The following ARHGAP6 variants were observed in gnomAD, a reference collection of about 807,000 sequenced individuals.
ARHGAP6 encodes rho GTPase-activating protein 6.
A neutral mutation model predicts 55.7 loss-of-function variants in ARHGAP6; 16 were observed. The ratio of observed to expected loss-of-function variants is 0.29; its 90% CI spans 0.19 to 0.44. The LOEUF is 0.44. Ranked by LOEUF, ARHGAP6 falls within the 20% of genes least tolerant of loss-of-function variation. The probability of loss-of-function intolerance (pLI) is 1.00; values close to 1 mark genes in which losing one functional copy is unlikely to be tolerated. For missense variants in ARHGAP6, 698 were observed against 808.9 expected (o/e 0.86, Z 1.66); for synonymous variants, 382 against 360.9 (o/e 1.06, Z -0.66).
At chrX:11,227,088 A>T (rs1158326570) in intron 2 of ARHGAP6, among the ~76,000 whole-genome samples, 1 of 111,865 alleles carries the variant, frequency 8.9e-6, no homozygotes, top group East Asian at 2.8e-4. Context: ...CTCATATGTC[A>T]CTCCTCTACA....
intron 1 of ARHGAP6, among the ~76,000 whole-genome samples, chrX:11,563,005 T>C (rs914713943): frequency 3.6e-5 from 4 of 112,025 alleles, no homozygotes; most frequent in Non-Finnish European, 7.5e-5. Flanking sequence ...TGTATTGGAC[T>C]AACTTCTGCT....
rs147198991 is a variant in ARHGAP6 at position 11,252,464 on chromosome X, C to T, written c.748+2084G>A. 7.3e-3 allele frequency among the ~76,000 whole-genome samples: 824 copies of T among 112,521 alleles called. 7 individuals are homozygous for T. Among genetic ancestry groups the T allele is most frequent in the African/African-American group, 0.025 (779 of 30,999 alleles). ...AACAGGCCTCATCTCCACCCTACAA[C>T]CAAACCAATACCAGGTAAGGCAGGA... On this transcript the variant is annotated intron_variant, in intron 2 of 12. Transcript: ENST00000337414.
intron 1 of ARHGAP6, among the ~76,000 whole-genome samples, chrX:11,272,027 C>A (rs2047698848): frequency 8.9e-6 from 1 of 111,859 alleles, no homozygotes; most frequent in Non-Finnish European, 1.9e-5. Flanking sequence ...ATTTTTATGA[C>A]CATGTCCCTC....
intron 5 of ARHGAP6, among the ~76,000 whole-genome samples, chrX:11,185,519 A>C (rs2046375880): frequency 8.9e-6 from 1 of 112,112 alleles, no homozygotes; most frequent in African/African-American, 3.2e-5. Flanking sequence ...TGAGCATATT[A>C]TTTTTACAGT....
At chrX:11,548,573 GC>G (rs776918537) in intron 1 of ARHGAP6, among the ~76,000 whole-genome samples, 7 of 110,152 alleles carry the variant, frequency 6.4e-5, no homozygotes, top group Non-Finnish European at 9.5e-5. Context: ...CATCCGTATT[GC>G]CAAGAAAGAC....
At chrX:11,556,887 A>G (rs1471421547) in intron 1 of ARHGAP6, among the ~76,000 whole-genome samples, 1 of 111,762 alleles carries the variant, frequency 8.9e-6, no homozygotes, top group Non-Finnish European at 1.9e-5. Flanking sequence ...GACAGAGACT[A>G]TGTCTTATCC....
At chrX:11,288,303 T>C in intron 1 of ARHGAP6, among the ~76,000 whole-genome samples, 1 of 112,060 alleles carries the variant, frequency 8.9e-6, no homozygotes, top group Middle Eastern at 4.6e-3. Context: ...GAACCATGGC[T>C]GGCAATAAAG....
intron 1 of ARHGAP6, among the ~76,000 whole-genome samples, chrX:11,506,971 C>T (rs1161151688): frequency 8.9e-6 from 1 of 111,996 alleles, no homozygotes; most frequent in Non-Finnish European, 1.9e-5. Flanking sequence ...TTTTGATTTG[C>T]ATTTCTCTAA....
chrX:11,458,960 G>A (rs893743011), intron 1 of ARHGAP6, among the ~76,000 whole-genome samples: 6 of 111,181 alleles, frequency 5.4e-5, no homozygotes, highest in African/African-American at 2.0e-4. Flanking sequence ...GAGGAAGCTT[G>A]CAGTATTAGA....
At chrX:11,360,153 T>G (rs1018282232) in intron 1 of ARHGAP6, among the ~76,000 whole-genome samples, 23 of 111,948 alleles carry the variant, frequency 2.1e-4, no homozygotes, top group Non-Finnish European at 3.6e-4. Flanking sequence ...CTAACTCATT[T>G]TATGAGGCCA....
chrX:11,369,991 AT>A (rs1346048098), intron 1 of ARHGAP6, among the ~76,000 whole-genome samples: 2 of 112,662 alleles, frequency 1.8e-5, no homozygotes, highest in Non-Finnish European at 3.8e-5. Context: ...ATTAATGCCA[AT>A]TCATAGATGC....
At chrX:11,171,782 T>G (rs1213265801) in intron 8 of ARHGAP6, among the ~76,000 whole-genome samples, 1 of 111,118 alleles carries the variant, frequency 9.0e-6, no homozygotes, top group African/African-American at 3.3e-5. Flanking sequence ...GGCTGTCCTG[T>G]GCATTACAGG....
chrX:11,566,863 C>T (rs144813064), intron 1 of ARHGAP6, among the ~76,000 whole-genome samples: 30 of 112,127 alleles, frequency 2.7e-4, no homozygotes, highest in Non-Finnish European at 4.3e-4. Flanking sequence ...ATAATATCAC[C>T]AGCCAAACTG....
intron 2 of ARHGAP6, among the ~76,000 whole-genome samples, chrX:11,207,878 G>A (rs1371778398): frequency 8.9e-6 from 1 of 111,856 alleles, no homozygotes; most frequent in Non-Finnish European, 1.9e-5. Flanking sequence ...TTTGGGCAGA[G>A]AGGGAGAGAA....
At chrX:11,606,346 C>T (rs916861738) in intron 1 of ARHGAP6, among the ~76,000 whole-genome samples, 20 of 111,474 alleles carry the variant, frequency 1.8e-4, no homozygotes, top group African/African-American at 5.6e-4. Context: ...CAAGGGTTGT[C>T]TCGCATTTTT....
chrX:11,393,064 T>C (rs996137122), intron 1 of ARHGAP6, among the ~76,000 whole-genome samples: 2 of 111,531 alleles, frequency 1.8e-5, no homozygotes, highest in African/African-American at 6.5e-5. Context: ...TATTACTGAG[T>C]ATTTATAAAG....
chrX:11,306,431 C>T (rs1372442645), intron 1 of ARHGAP6, among the ~76,000 whole-genome samples: 1 of 112,488 alleles, frequency 8.9e-6, no homozygotes, highest in Non-Finnish European at 1.9e-5. Context: ...CATTAAACAC[C>T]CAGGATGCTG....
chrX:11,664,629 G>T lies in ARHGAP6; in HGVS notation c.200C>A (p.Ser67Tyr). The change falls in exon 1 of 13, where the codon TCC becomes TAC. Residue 67 changes from serine to tyrosine, a missense_variant. Ser to Tyr is a moderately radical substitution (Grantham distance 144). Around this residue, in one of 3 missense-constraint regions of ARHGAP6, gnomAD observed 164 missense variants for 149.2 expected, o/e 1.10. Transcript: ENST00000337414. ...ARGATAGRLY[S>Y]PSLPAESLGP... ...GAGACTCTCGGCTGGGAGTGATGGG[G>T]AGTAGAGGCGGCCCGCCGTGGCTCC... The T allele has an allele frequency of 8.6e-7, 1 of 1,164,529 alleles. No homozygotes were observed. Among genetic ancestry groups the T allele is most frequent in the Non-Finnish European group, 1.1e-6 (1 of 871,979 alleles).
At chrX:11,324,956 T>A (rs2048480961) in intron 1 of ARHGAP6, among the ~76,000 whole-genome samples, 1 of 111,715 alleles carries the variant, frequency 9.0e-6, no homozygotes, top group Non-Finnish European at 1.9e-5. Context: ...CTTCCCGGGT[T>A]CACGCCATTC....
Sources: gnomAD v4.1 joint callset for allele counts (sites outside exome capture counted in the v4.1 genomes callset) on GRCh38, gnomAD v4.1.1 for gene constraint, gnomAD v4.1.1 regional missense constraint, MANE v1.5 for transcripts, NCBI Gene and HGNC (gene_info 2026-07-23, HGNC 2026-07-21) for gene names.